The following HS3ST4 variants were observed in gnomAD, a reference collection of about 807,000 sequenced individuals.
The protein encoded by HS3ST4 is heparan sulfate-glucosamine 3-sulfotransferase 4, also known as heparan sulfate glucosamine 3-O-sulfotransferase 4.
Under a neutral mutation model 29.2 loss-of-function variants are expected in HS3ST4, and 17 were observed. The observed-to-expected ratio is 0.58, with a 90% CI of 0.40 to 0.87. The LOEUF is 0.87. Ranked by LOEUF, HS3ST4 falls within the 40% of genes least tolerant of loss-of-function variation. The pLI is 0.00. For synonymous variants in HS3ST4, 314 were observed against 285.7 expected, an observed-to-expected ratio of 1.10 and a Z score of -1.00; for missense variants, 627 against 634.5, an observed-to-expected ratio of 0.99 and a Z score of 0.13.
chr16:26,052,452 C>A (rs1450697035), intron 1 of HS3ST4, among the ~76,000 whole-genome samples: 1 of 152,136 alleles, frequency 6.6e-6, no homozygotes, highest in Admixed American at 6.6e-5. Flanking sequence ...CTCAATGCAA[C>A]CTCTGCCTCC....
At chr16:25,802,044 A>C (rs1185797773) in intron 1 of HS3ST4, among the ~76,000 whole-genome samples, 1 of 150,906 alleles carries the variant, frequency 6.6e-6, no homozygotes, top group African/African-American at 2.5e-5. Flanking sequence ...CGAGCAGTTA[A>C]AAATTCTGTC....
chr16:25,880,542 T>A (rs9921851), intron 1 of HS3ST4, among the ~76,000 whole-genome samples: 38,711 of 152,140 alleles, frequency 0.25, 5,215 homozygotes, highest in Non-Finnish European at 0.31. Context: ...TTAAGGTTTG[T>A]GACATCTTTT....
At chr16:26,089,425 T>C (rs1447706471) in intron 1 of HS3ST4, among the ~76,000 whole-genome samples, 3 of 151,990 alleles carry the variant, frequency 2.0e-5, no homozygotes, top group Non-Finnish European at 4.4e-5. Flanking sequence ...AGAAGGAGGG[T>C]TGGAAACAGG....
At chr16:25,913,879 GGTATA>G (rs1386701603) in intron 1 of HS3ST4, among the ~76,000 whole-genome samples, 2 of 147,174 alleles carry the variant, frequency 1.4e-5, no homozygotes, top group Non-Finnish European at 3.0e-5. Context: ...GTGTGTGTGG[GGTATA>G]GTATATTTGT....
intron 1 of HS3ST4, among the ~76,000 whole-genome samples, chr16:25,779,187 A>T (rs530119236): frequency 2.0e-5 from 3 of 152,208 alleles, no homozygotes; most frequent in African/African-American, 7.2e-5. Context: ...CACCCAAATC[A>T]CCATGCTACT....
At chr16:26,063,966 A>T (rs1898511879) in intron 1 of HS3ST4, among the ~76,000 whole-genome samples, 1 of 152,220 alleles carries the variant, frequency 6.6e-6, no homozygotes, top group Non-Finnish European at 1.5e-5. Flanking sequence ...GAAACAACTA[A>T]AACACTGTCA....
chr16:25,962,089 C>A (rs1195309120), intron 1 of HS3ST4, among the ~76,000 whole-genome samples: 1 of 152,164 alleles, frequency 6.6e-6, no homozygotes, highest in African/African-American at 2.4e-5. Context: ...AAATTGCAGA[C>A]AAGTAGGCCT....
At chr16:25,711,827 C>A (rs7186055) in intron 1 of HS3ST4, among the ~76,000 whole-genome samples, 30,754 of 152,090 alleles carry the variant, frequency 0.2, 3,354 homozygotes, top group South Asian at 0.39. Flanking sequence ...CTATCAGGGC[C>A]GATTTTGCCC....
intron 1 of HS3ST4, among the ~76,000 whole-genome samples, chr16:25,776,302 C>T (rs528853586): frequency 1.3e-5 from 2 of 152,276 alleles, no homozygotes; most frequent in South Asian, 4.1e-4. Context: ...TTAGAGCAAA[C>T]CTGCCTCCCA....
At chr16:25,792,410 C>T (rs921171324) in intron 1 of HS3ST4, among the ~76,000 whole-genome samples, 2 of 151,762 alleles carry the variant, frequency 1.3e-5, no homozygotes, top group African/African-American at 2.4e-5. Flanking sequence ...GAAAAATTTG[C>T]TGATGAAGCT....
At chr16:25,817,105 A>T (rs1476393202) in intron 1 of HS3ST4, among the ~76,000 whole-genome samples, 2 of 152,240 alleles carry the variant, frequency 1.3e-5, no homozygotes, top group Non-Finnish European at 2.9e-5. Flanking sequence ...TTTGAGTCTT[A>T]GCTCTTCCCT....
rs539742200 is a variant in HS3ST4 at position 25,771,587 on chromosome 16, G to A, written c.734+78436G>A. The stretch of plus-strand genomic sequence containing the variant: ...CTTCCTTATCTTCTGTGGAAAGAAC[G>A]GGTTGCTTTTTTCTCTGAAGACTTC... On this transcript the variant is annotated intron_variant, in intron 1 of 1. Transcript: ENST00000331351. Among the ~76,000 whole-genome samples the A allele has an allele frequency of 7.2e-5, 11 of 152,148 alleles. No individual in the cohort carries two copies. In the South Asian group the frequency reaches 1.5e-3, roughly 20 times the overall value.
chr16:25,827,819 A>G (rs1261195718), intron 1 of HS3ST4, among the ~76,000 whole-genome samples: 1 of 152,154 alleles, frequency 6.6e-6, no homozygotes, highest in East Asian at 1.9e-4. Context: ...TAGCTCATTT[A>G]ATATTCACAA....
At position 26,135,748 on chromosome 16, in the gene HS3ST4, G is replaced by A. The variant is rs1325513538; in HGVS notation, c.871G>A (p.Val291Met). The change falls in exon 2 of 2, where the codon GTG becomes ATG. Residue 291 changes from valine to methionine, a missense_variant. Around this residue, in one of 2 missense-constraint regions of HS3ST4, gnomAD observed 225 missense variants for 293.7 expected, o/e 0.77. Coordinates refer to ENST00000331351, the MANE Select transcript of HS3ST4 (RefSeq NM_006040.3). Reference sequence around the variant, plus strand: ...ACTGATTGTGGTGGTGAGAAACCCCGTGACCAGGGCCATCTCTGACTACAC... The same window carrying A: ...ACTGATTGTGGTGGTGAGAAACCCCATGACCAGGGCCATCTCTGACTACAC... ...IKLIVVVRNP[V>M]TRAISDYTQT... 6.8e-6 allele frequency: 11 copies of A among 1,614,126 alleles called. No homozygotes were observed. Among genetic ancestry groups the A allele is most frequent in the Middle Eastern group, 1.7e-4 (1 of 6,058 alleles).
At chr16:26,000,868 C>T (rs112855248) in intron 1 of HS3ST4, among the ~76,000 whole-genome samples, 24 of 152,104 alleles carry the variant, frequency 1.6e-4, no homozygotes, top group African/African-American at 4.6e-4. Context: ...TGAATCTAAT[C>T]GTGAGAAAAC....
intron 1 of HS3ST4, among the ~76,000 whole-genome samples, chr16:25,736,284 G>A (rs1315313871): frequency 1.3e-5 from 2 of 152,202 alleles, no homozygotes; most frequent in Non-Finnish European, 2.9e-5. Flanking sequence ...CTGCAGTGTG[G>A]CTTTGGCCTT....
chr16:26,045,863 CTTTAT>C (rs1252273660), intron 1 of HS3ST4, among the ~76,000 whole-genome samples: 5 of 152,140 alleles, frequency 3.3e-5, no homozygotes, highest in South Asian at 2.1e-4. Flanking sequence ...TTTTAACTCT[CTTTAT>C]TTTATTTTGT....
chr16:26,040,963 C>A (rs1969631861), intron 1 of HS3ST4, among the ~76,000 whole-genome samples: 1 of 152,316 alleles, frequency 6.6e-6, no homozygotes, highest in East Asian at 1.9e-4. Flanking sequence ...ACACTGAGCA[C>A]ACTCAGCTCT....
At chr16:25,876,318 A>G (rs1318481890) in intron 1 of HS3ST4, among the ~76,000 whole-genome samples, 1 of 152,132 alleles carries the variant, frequency 6.6e-6, no homozygotes, top group Non-Finnish European at 1.5e-5. Flanking sequence ...GACTCACATA[A>G]TGAAGGTCCA....
Sources: gnomAD v4.1 joint callset for allele counts (sites outside exome capture counted in the v4.1 genomes callset) on GRCh38, gnomAD v4.1.1 for gene constraint, gnomAD v4.1.1 regional missense constraint, MANE v1.5 for transcripts, NCBI Gene and HGNC (gene_info 2026-07-23, HGNC 2026-07-21) for gene names.